The following COX7B2 variants were observed in gnomAD, a reference collection of about 807,000 sequenced individuals.
COX7B2 encodes cytochrome c oxidase subunit 7B2, mitochondrial.
For missense variants in COX7B2, 109 were observed against 95.9 expected (o/e 1.14, Z -0.57); for synonymous variants, 37 against 32.1 (o/e 1.15, Z -0.51).
chr4:46,866,824 T>G (rs1717695818), intron 1 of COX7B2, among the ~76,000 whole-genome samples: 1 of 152,134 alleles, frequency 6.6e-6, no homozygotes, highest in South Asian at 2.1e-4. Context: ...AACAATAGTC[T>G]ATGTCATTAT....
Position 46,826,602 on chromosome 4 carries a change from A to C in COX7B2, c.-50+18358T>G, listed in dbSNP as rs564532180. Among the ~76,000 whole-genome samples the C allele has an allele frequency of 4.6e-5, 7 of 152,332 alleles. No individual in the cohort carries two copies. The South Asian group carries it at 6.2e-4, about 14-fold the overall frequency. ...ACTATGCACAACAGCAAAGACATGG[A>C]ATCAATCTATATGCCCATCAATGAC... is the stretch of plus-strand genomic sequence containing the variant. On this transcript the variant is annotated intron_variant, in intron 2 of 2. Coordinates refer to ENST00000355591, the MANE Select transcript of COX7B2 (RefSeq NM_130902.3).
intron 2 of COX7B2, among the ~76,000 whole-genome samples, chr4:46,771,728 C>G (rs1379605224): frequency 2.0e-5 from 3 of 151,946 alleles, no homozygotes; most frequent in African/African-American, 4.8e-5. Flanking sequence ...AAATATAATG[C>G]AAATATTTCA....
chr4:46,769,192 A>T (rs1380523014), intron 2 of COX7B2, among the ~76,000 whole-genome samples: 3 of 152,258 alleles, frequency 2.0e-5, no homozygotes, highest in Middle Eastern at 6.8e-3. Context: ...CCAAAAGCCA[A>T]AGAGGAAGGA....
chr4:46,870,752 A>T (rs1717941022), intron 1 of COX7B2, among the ~76,000 whole-genome samples: 1 of 152,158 alleles, frequency 6.6e-6, no homozygotes, highest in Non-Finnish European at 1.5e-5. Context: ...CCACAAAAAG[A>T]ATAAAATATC....
intron 2 of COX7B2, among the ~76,000 whole-genome samples, chr4:46,818,982 G>A (rs930672059): frequency 2.0e-5 from 3 of 152,294 alleles, no homozygotes; most frequent in African/African-American, 4.8e-5. Context: ...ATACAGTAGG[G>A]TGCTCGATAA....
At chr4:46,866,426 C>G (rs1323164180) in intron 1 of COX7B2, among the ~76,000 whole-genome samples, 1 of 152,144 alleles carries the variant, frequency 6.6e-6, no homozygotes, top group African/African-American at 2.4e-5. Context: ...TGGAGAGCTA[C>G]CTATTCTTTT....
At position 46,784,826 on chromosome 4, in the gene COX7B2, A is replaced by G. The variant is rs181301313; in HGVS notation, c.-49-49585T>C. Among the ~76,000 whole-genome samples the G allele has an allele frequency of 1.2e-3, 189 of 152,340 alleles. 1 individual carries two copies. Among genetic ancestry groups the G allele is most frequent in the African/African-American group, 4.3e-3 (177 of 41,578 alleles). On this transcript the variant is annotated intron_variant, in intron 2 of 2. Coordinates refer to ENST00000355591, the MANE Select transcript of COX7B2 (RefSeq NM_130902.3). ...TTTATATTTAATGCCATCCAGAAGT[A>G]CTGCTTACACAGTTTTGTATTTGTA...
chr4:46,860,946 G>T (rs2109800553), intron 1 of COX7B2, among the ~76,000 whole-genome samples: 1 of 152,198 alleles, frequency 6.6e-6, no homozygotes, highest in East Asian at 1.9e-4. Flanking sequence ...TTGGCCTATG[G>T]TGAGGGGACC....
intron 1 of COX7B2, among the ~76,000 whole-genome samples, chr4:46,881,264 T>C (rs1718721603): frequency 6.6e-6 from 1 of 152,046 alleles, no homozygotes; most frequent in South Asian, 2.1e-4. Context: ...CACCAATCAA[T>C]ACATGTAAGA....
intron 1 of COX7B2, among the ~76,000 whole-genome samples, chr4:46,892,289 G>A (rs180788114): frequency 3.3e-5 from 5 of 152,268 alleles, no homozygotes; most frequent in African/African-American, 1.2e-4. Context: ...TTTTTAAAAG[G>A]TTAGTGGAGT....
rs1399403448 is a variant in COX7B2 at position 46,827,431 on chromosome 4, C to T, written c.-50+17529G>A. Among the ~76,000 whole-genome samples the T allele has an allele frequency of 6.6e-5, 10 of 152,014 alleles. No homozygotes were observed. In the East Asian group the frequency reaches 7.7e-4, roughly 12 times the overall value. ...CTGTAGGTTTTTGTATCACAAACAG[C>T]GGAGGCCAGAAGACGTCAGAATGGC... is the stretch of plus-strand genomic sequence containing the variant. On this transcript the variant is annotated intron_variant, in intron 2 of 2. Coordinates refer to ENST00000355591, the MANE Select transcript of COX7B2 (RefSeq NM_130902.3).
chr4:46,758,964 G>A (rs1715964458), intron 2 of COX7B2, among the ~76,000 whole-genome samples: 2 of 152,198 alleles, frequency 1.3e-5, no homozygotes, highest in Non-Finnish European at 2.9e-5. Context: ...ACTGCCTAAA[G>A]GGGCACTGGT....
intron 1 of COX7B2, among the ~76,000 whole-genome samples, chr4:46,849,703 A>G (rs1202814085): frequency 6.6e-6 from 1 of 151,954 alleles, no homozygotes; most frequent in African/African-American, 2.4e-5. Flanking sequence ...TTTTTTTATT[A>G]TACTTTAAGT....
intron 1 of COX7B2, among the ~76,000 whole-genome samples, chr4:46,900,504 G>T (rs1178885146): frequency 6.6e-6 from 1 of 152,114 alleles, no homozygotes; most frequent in East Asian, 1.9e-4. Flanking sequence ...CAGGGGAGGA[G>T]GGGGGTCTTA....
intron 2 of COX7B2, among the ~76,000 whole-genome samples, chr4:46,775,450 G>A (rs548096156): frequency 6.6e-6 from 1 of 152,164 alleles, no homozygotes; most frequent in South Asian, 2.1e-4. Context: ...ACATTTTCCT[G>A]AAGTATATGA....
intron 1 of COX7B2, among the ~76,000 whole-genome samples, chr4:46,864,495 TA>T (rs1446549041): frequency 2.6e-5 from 4 of 152,116 alleles, no homozygotes; most frequent in South Asian, 2.1e-4. Context: ...ATCATCAAAA[TA>T]TTTTTTTGTG....
chr4:46,803,732 C>CT (rs5858039), intron 2 of COX7B2, among the ~76,000 whole-genome samples: 1,322 of 123,238 alleles, frequency 0.011, 11 homozygotes, highest in African/African-American at 0.016. Flanking sequence ...GGTTTACTTT[C>CT]TTTTTTTTTT....
At chr4:46,908,268 C>G (rs1360770981) in intron 1 of COX7B2, among the ~76,000 whole-genome samples, 1 of 152,086 alleles carries the variant, frequency 6.6e-6, no homozygotes, top group Admixed American at 6.6e-5. Flanking sequence ...CACAAAAAGA[C>G]TATAATCATA....
chr4:46,837,274 TACACAC>T (rs33927124), intron 2 of COX7B2, among the ~76,000 whole-genome samples: 6,004 of 133,294 alleles, frequency 0.045, 137 homozygotes, highest in African/African-American at 0.073. Flanking sequence ...CACAAAGACA[TACACAC>T]ACACACACAC....
Sources: allele counts gnomAD v4.1 joint callset (sites outside exome capture counted in the v4.1 genomes callset), GRCh38; gene constraint gnomAD v4.1.1; transcripts MANE v1.5; gene names NCBI Gene and HGNC (gene_info 2026-07-23, HGNC 2026-07-21).